Variants in CHRM3 observed in about 807,000 individuals in gnomAD.
CHRM3 encodes the protein muscarinic acetylcholine receptor M3.
Under a neutral mutation model 41.8 loss-of-function variants are expected in CHRM3, and 11 were observed. That is an observed-to-expected ratio of 0.26 (90% CI 0.17 to 0.44). The LOEUF is 0.44. Among genes scored for constraint, CHRM3 ranks in the 20% least tolerant of loss-of-function variants. The pLI is 1.00. For missense variants in CHRM3, 571 were observed against 745.4 expected (o/e 0.77, Z 2.72); for synonymous variants, 297 against 301.4 (o/e 0.99, Z 0.15).
At chr1:239,848,666 T>C (rs1210638279) in intron 6 of CHRM3, among the ~76,000 whole-genome samples, 1 of 152,170 alleles carries the variant, frequency 6.6e-6, no homozygotes, top group Non-Finnish European at 1.5e-5. Context: ...TGCATCCCTA[T>C]GGTGTATTTC....
At chr1:239,824,691 TC>T (rs1202711569) in intron 5 of CHRM3, among the ~76,000 whole-genome samples, 1 of 152,128 alleles carries the variant, frequency 6.6e-6, no homozygotes, top group East Asian at 1.9e-4. Context: ...TAAGAACACA[TC>T]CAGGGTAGAG....
chr1:239,869,586 A>G (rs1460505930), intron 6 of CHRM3, among the ~76,000 whole-genome samples: 1 of 152,066 alleles, frequency 6.6e-6, no homozygotes, highest in Non-Finnish European at 1.5e-5. Context: ...GGAGTCACAG[A>G]TCACACCCTC....
intron 4 of CHRM3, among the ~76,000 whole-genome samples, chr1:239,648,854 A>G (rs927047801): frequency 6.6e-6 from 1 of 152,186 alleles, no homozygotes; most frequent in Non-Finnish European, 1.5e-5. Context: ...TCAAGAATGA[A>G]GAATGGACAT....
At chr1:239,477,357 G>A (rs1410596439) in intron 1 of CHRM3, among the ~76,000 whole-genome samples, 3 of 152,126 alleles carry the variant, frequency 2.0e-5, no homozygotes, top group Non-Finnish European at 4.4e-5. Context: ...TTAAGATTTA[G>A]AAAATTATAG....
Position 239,678,174 on chromosome 1 carries a change from T to A in CHRM3, c.-249-12T>A, listed in dbSNP as rs995029801. The A allele has an allele frequency of 6.6e-6, 1 of 152,190 alleles. No homozygotes were observed. Among genetic ancestry groups the A allele is most frequent in the Admixed American group, 6.6e-5 (1 of 15,262 alleles). 9.4% of individuals were successfully genotyped at this position (152,190 alleles called of 1,614,324 possible). ...TTATTTTAAACTTACCCCTTCCCTG[T>A]TTCATTTTTAGGTTTTGCTGTGGCG... On this transcript the variant is annotated splice_polypyrimidine_tract_variant and intron_variant, in intron 4 of 6. Coordinates refer to ENST00000676153, the MANE Select transcript of CHRM3 (RefSeq NM_001375978.1).
intron 6 of CHRM3, among the ~76,000 whole-genome samples, chr1:239,852,567 C>T (rs558288029): frequency 6.6e-5 from 10 of 152,134 alleles, no homozygotes; most frequent in Non-Finnish European, 1.2e-4. Flanking sequence ...GACTAGAATT[C>T]GGGGCTCTTG....
chr1:239,860,102 T>TA (rs1320262150), intron 6 of CHRM3, among the ~76,000 whole-genome samples: 2 of 151,998 alleles, frequency 1.3e-5, no homozygotes, highest in African/African-American at 4.8e-5. Flanking sequence ...GAAAGCAGCC[T>TA]AAAAAATTGG....
At chr1:239,459,047 A>G (rs1665166713) in intron 1 of CHRM3, among the ~76,000 whole-genome samples, 1 of 152,164 alleles carries the variant, frequency 6.6e-6, no homozygotes. Context: ...ATTCTCCACC[A>G]TTAACTGCTC....
At chr1:239,814,754 C>A (rs752368200) in intron 5 of CHRM3, among the ~76,000 whole-genome samples, 11 of 152,002 alleles carry the variant, frequency 7.2e-5, no homozygotes, top group Non-Finnish European at 1.2e-4. Flanking sequence ...TGTTACTCTG[C>A]CGTTTGCTTT....
At chr1:239,391,065 A>T (rs887664106) in intron 1 of CHRM3, among the ~76,000 whole-genome samples, 1 of 152,092 alleles carries the variant, frequency 6.6e-6, no homozygotes, top group African/African-American at 2.4e-5. Flanking sequence ...TTGAATGCAG[A>T]AGTTCGAGAC....
At chr1:239,831,454 C>T (rs1333158724) in intron 6 of CHRM3, among the ~76,000 whole-genome samples, 1 of 152,078 alleles carries the variant, frequency 6.6e-6, no homozygotes, top group Non-Finnish European at 1.5e-5. Flanking sequence ...TGGAAGGAAC[C>T]GTTTTTCTTT....
chr1:239,907,995 A>C lies in CHRM3; in HGVS notation c.544A>C (p.Thr182Pro). 1 of 1,614,120 alleles carries C rather than the reference A, an allele frequency of 6.2e-7. No homozygotes were observed. The highest frequency in any genetic ancestry group is 8.5e-7 in the Non-Finnish European group (1 of 1,180,014). The change falls in exon 7 of 7, where the codon ACA (threonine) becomes CCA (proline). Residue 182 changes from threonine to proline, a missense_variant. Physicochemically the swap from Thr to Pro is conservative, Grantham distance 38. Coordinates refer to ENST00000676153, the MANE Select transcript of CHRM3 (RefSeq NM_001375978.1). This position sits in a 1 kb window ranked among gnomAD's most constrained non-coding sequence, Gnocchi z 5.4. The stretch of plus-strand genomic sequence containing the variant: ...GCTCACGTACCGAGCCAAACGAACA[A>C]CAAAGAGAGCCGGTGTGATGATCGG... Reference protein sequence around the residue: ...RPLTYRAKRTTKRAGVMIGLA... With the variant: ...RPLTYRAKRTPKRAGVMIGLA...
intron 6 of CHRM3, among the ~76,000 whole-genome samples, chr1:239,829,852 C>T (rs946330890): frequency 6.6e-6 from 1 of 152,180 alleles, no homozygotes; most frequent in African/African-American, 2.4e-5. Context: ...AATCAAATGA[C>T]TTAATGTCCA....
intron 1 of CHRM3, among the ~76,000 whole-genome samples, chr1:239,406,587 T>C (rs1172983121): frequency 6.6e-6 from 1 of 152,178 alleles, no homozygotes; most frequent in African/African-American, 2.4e-5. Flanking sequence ...TAGCCCATCC[T>C]CATTCCAGCA....
chr1:239,770,101 T>G (rs1047268576), intron 5 of CHRM3, among the ~76,000 whole-genome samples: 3 of 152,178 alleles, frequency 2.0e-5, no homozygotes. Flanking sequence ...TCAAAATACG[T>G]TGAACACTGA....
intron 5 of CHRM3, among the ~76,000 whole-genome samples, chr1:239,689,494 C>G (rs1659503085): frequency 1.3e-5 from 2 of 152,044 alleles, no homozygotes; most frequent in African/African-American, 2.4e-5. Flanking sequence ...AAAATAGCAG[C>G]GTTTGTGAAA....
At chr1:239,480,071 A>G (rs1220159607) in intron 1 of CHRM3, among the ~76,000 whole-genome samples, 3 of 152,360 alleles carry the variant, frequency 2.0e-5, no homozygotes, top group Non-Finnish European at 4.4e-5. Flanking sequence ...TGACTGAATC[A>G]TAATTATGCA....
chr1:239,450,497 G>A (rs142235705), intron 1 of CHRM3, among the ~76,000 whole-genome samples: 298 of 152,152 alleles, frequency 2.0e-3, no homozygotes, highest in African/African-American at 7.0e-3. Flanking sequence ...GATCTTCATA[G>A]TAGTTCATCC....
intron 5 of CHRM3, among the ~76,000 whole-genome samples, chr1:239,681,785 A>C (rs1658591965): frequency 6.6e-6 from 1 of 151,982 alleles, no homozygotes; most frequent in African/African-American, 2.4e-5. Flanking sequence ...TGTAGTCCTA[A>C]ATACTTGGGA....
Sources: gnomAD v4.1 joint callset for allele counts (sites outside exome capture counted in the v4.1 genomes callset) on GRCh38, gnomAD v4.1.1 for gene constraint, Gnocchi (gnomAD v3.1) non-coding constraint, MANE v1.5 for transcripts, NCBI Gene and HGNC (gene_info 2026-07-23, HGNC 2026-07-21) for gene names.